USP34: variants seen among roughly 807,000 people sequenced by gnomAD.
USP34 encodes ubiquitin specific peptidase 34, also known as ubiquitin carboxyl-terminal hydrolase 34.
A neutral mutation model predicts 460.3 loss-of-function variants in USP34; 70 were observed. That is an observed-to-expected ratio of 0.15 (90% CI 0.13 to 0.19). The LOEUF (loss-of-function observed/expected upper bound fraction) is 0.19, where lower values mean the gene tolerates loss of function less well. Among genes scored for constraint, USP34 ranks in the 10% least tolerant of loss-of-function variants. The pLI is 1.00. For missense variants in USP34, 3,985 were observed against 4,236.2 expected (o/e 0.94, Z 1.65); for synonymous variants, 1,647 against 1,405.3 (o/e 1.17, Z -3.85).
In USP34 at chr2:61,320,367, T is replaced by C. The variant is rs186188867; in HGVS notation, c.3014-1040A>G. 2.6e-5 allele frequency among the ~76,000 whole-genome samples: 4 copies of C among 152,316 alleles called. No homozygotes were observed. The East Asian group carries it at 7.7e-4, about 29-fold the overall frequency. On this transcript the variant is annotated intron_variant, in intron 21 of 79. Coordinates refer to ENST00000398571, the MANE Select transcript of USP34 (RefSeq NM_014709.4). ...CATACTCATTCAGATTGGGATCATT[T>C]AGACATGCCAATGAATCCACAGTGC...
At position 61,229,562 on chromosome 2, in the gene USP34, T is replaced by C. The variant is rs1231908883; in HGVS notation, c.7185A>G (p.Pro2395=). The C allele has an allele frequency of 3.1e-6, 5 of 1,609,066 alleles. No individual in the cohort carries two copies. Among genetic ancestry groups the C allele is most frequent in the Non-Finnish European group, 4.2e-6 (5 of 1,177,986 alleles). ...GTACTTCTTACCCATCTTCCATTCC[T>C]GGCTGCAAATAGAGATGAGCATGCA... ...RPVHAHLYLQ[P]GMEDGSDDMD... is the part of the protein sequence containing the mutation. Residue 2395 remains proline, a synonymous_variant, in exon 59 of 80, where the codon CCA becomes CCG. Transcript: ENST00000398571.
intron 27 of USP34, among the ~76,000 whole-genome samples, chr2:61,302,112 T>C (rs541045868): frequency 6.6e-6 from 1 of 152,268 alleles, no homozygotes; most frequent in East Asian, 1.9e-4. Flanking sequence ...AATTAAGTAT[T>C]GTATAATGTA....
At chr2:61,267,773 C>A (rs1307104665) in intron 41 of USP34, among the ~76,000 whole-genome samples, 1 of 152,074 alleles carries the variant, frequency 6.6e-6, no homozygotes, top group Non-Finnish European at 1.5e-5. Context: ...ACCACAACAC[C>A]CGGTCTTAAT....
At chr2:61,299,148 G>C (rs1248547484) in intron 29 of USP34, among the ~76,000 whole-genome samples, 5 of 152,046 alleles carry the variant, frequency 3.3e-5, no homozygotes, top group African/African-American at 1.2e-4. Context: ...CATCACGTGA[G>C]AAACTGAGGT....
intron 17 of USP34, 24 bp downstream of exon 17, chr2:61,339,542 T>C: frequency 6.4e-7 from 1 of 1,569,354 alleles, no homozygotes; most frequent in South Asian, 1.2e-5. Context: ...TTTCTTACTC[T>C]TCTGGTTCTA....
intron 48 of USP34, among the ~76,000 whole-genome samples, chr2:61,251,796 A>G (rs889613807): frequency 1.3e-5 from 2 of 152,224 alleles, no homozygotes; most frequent in South Asian, 2.1e-4. Flanking sequence ...ATCAAATGCC[A>G]TAAAAGCTTC....
intron 2 of USP34, among the ~76,000 whole-genome samples, chr2:61,411,380 CA>C (rs35518324): frequency 0.5 from 58,589 of 117,778 alleles, 11,456 homozygotes; most frequent in South Asian, 0.54. Flanking sequence ...GATCCTGTCT[CA>C]AAAAAAAAAA....
intron 69 of USP34, among the ~76,000 whole-genome samples, chr2:61,209,858 G>A (rs1447050546): frequency 2.0e-5 from 3 of 152,146 alleles, no homozygotes; most frequent in Admixed American, 6.5e-5. Flanking sequence ...GGAGGTGGGA[G>A]ACAGAGATAC....
intron 31 of USP34, 60 bp from the exon 32 acceptor site, chr2:61,295,092 G>GA: frequency 6.3e-7 from 1 of 1,599,848 alleles, no homozygotes; most frequent in South Asian, 1.1e-5. Context: ...TTATAGAATG[G>GA]AAAAGACAAT....
At chr2:61,212,798 A>C (rs1687305596) in intron 68 of USP34, among the ~76,000 whole-genome samples, 1 of 152,208 alleles carries the variant, frequency 6.6e-6, no homozygotes, top group African/African-American at 2.4e-5. Context: ...TGGAGGGATA[A>C]ATTCTAACTC....
chr2:61,427,153 G>A (rs558901890), intron 1 of USP34, among the ~76,000 whole-genome samples: 94 of 152,098 alleles, frequency 6.2e-4, no homozygotes, highest in Non-Finnish European at 9.1e-4. Flanking sequence ...TCAGCCTCCC[G>A]AGTAGCTGGG....
intron 27 of USP34, among the ~76,000 whole-genome samples, chr2:61,310,832 T>C (rs1234175939): frequency 2.6e-5 from 4 of 152,012 alleles, no homozygotes; most frequent in Admixed American, 2.0e-4. Flanking sequence ...TGGGTTAAAG[T>C]GGATGAGTAG....
intron 2 of USP34, among the ~76,000 whole-genome samples, chr2:61,419,240 C>T (rs184402529): frequency 2.4e-4 from 37 of 151,982 alleles, no homozygotes; most frequent in Admixed American, 3.9e-4. Flanking sequence ...AGGCTGGTCT[C>T]GAACTCCTAG....
chr2:61,452,918 A>C (rs906881248), intron 1 of USP34, among the ~76,000 whole-genome samples: 25 of 111,324 alleles, frequency 2.2e-4, no homozygotes, highest in Non-Finnish European at 3.7e-4. Context: ...AAAAAAAAAA[A>C]AAAAAAAAAC....
At chr2:61,458,409 A>C (rs1318250328) in intron 1 of USP34, among the ~76,000 whole-genome samples, 1 of 151,788 alleles carries the variant, frequency 6.6e-6, no homozygotes, top group Non-Finnish European at 1.5e-5. Flanking sequence ...AAAAATACAA[A>C]AATTAGCCGG....
intron 10 of USP34, among the ~76,000 whole-genome samples, chr2:61,356,671 G>A (rs939043218): frequency 1.3e-5 from 2 of 152,092 alleles, no homozygotes; most frequent in African/African-American, 4.8e-5. Context: ...TCAAAATCAC[G>A]GAAACAGAAA....
In USP34 at chr2:61,204,487, A is replaced by G. The variant is rs938457360; in HGVS notation, c.9259+10T>C. On this transcript the variant is annotated intron_variant, in intron 73 of 79. Transcript: ENST00000398571. ...ACCATATTGAAGTACTGTGCTAGAT[A>G]AATACGTACTTGGTATATTACTGTG... 9.3e-6 allele frequency: 15 copies of G among 1,613,294 alleles called. No homozygotes were observed. The highest frequency in any genetic ancestry group is 1.7e-5 in the Admixed American group (1 of 59,976).
At chr2:61,354,518 A>G (rs1692048022) in intron 10 of USP34, among the ~76,000 whole-genome samples, 1 of 152,174 alleles carries the variant, frequency 6.6e-6, no homozygotes, top group Admixed American at 6.5e-5. Flanking sequence ...GTGTGCTTCT[A>G]GCCACTAAAT....
At position 61,451,220 on chromosome 2, in the gene USP34, C is replaced by CAAAAAAAAA. The variant is rs70963432; in HGVS notation, c.43+19421_43+19429dup. Among the ~76,000 whole-genome samples, 352 of 50,706 alleles carry CAAAAAAAAA rather than the reference C, an allele frequency of 6.9e-3. 25 individuals carry two copies. The highest frequency in any genetic ancestry group is 8.3e-3 in the Non-Finnish European group (221 of 26,738). 33.3% of individuals were successfully genotyped at this position (50,706 alleles called of 152,430 possible). A position where few individuals can be genotyped will look rare whatever the true frequency, so the allele number is the denominator to read the frequency against. ...CAGGTGACAGTGTGAGGCTTCATCT[C>CAAAAAAAAA]AAAAAAAAAAAAAAAAAAAAAAAAA... On this transcript the variant is annotated intron_variant, in intron 1 of 79. Transcript: ENST00000398571.
Sources: allele counts gnomAD v4.1 joint callset (sites outside exome capture counted in the v4.1 genomes callset), GRCh38; gene constraint gnomAD v4.1.1; transcripts MANE v1.5; gene names NCBI Gene and HGNC (gene_info 2026-07-23, HGNC 2026-07-21).